Variants in ZNF695 observed in about 807,000 individuals in gnomAD.
ZNF695 encodes the protein zinc finger protein 695.
ZNF695 carries 11 observed loss-of-function variants against 11.2 expected under a neutral mutation model. The ratio of observed to expected loss-of-function variants is 0.98; its 90% CI spans 0.62 to 1.62. The LOEUF is 1.62. ZNF695 is among the 40% of genes most tolerant of loss of function. ZNF695 has a pLI of 0.00. For synonymous variants in ZNF695, 190 were observed against 201.4 expected (o/e 0.94, Z 0.48); for missense variants, 559 against 590.5 (o/e 0.95, Z 0.55).
At chr1:246,945,880 G>A in intron 5 of ZNF695, 1 of 1,544,864 alleles carries the variant, frequency 6.5e-7, no homozygotes, top group African/African-American at 1.4e-5. Context: ...AGCTCCTTGG[G>A]ATATGATTTA....
At chr1:246,993,629 C>A (rs1669107748) in intron 3 of ZNF695, among the ~76,000 whole-genome samples, 1 of 151,680 alleles carries the variant, frequency 6.6e-6, no homozygotes, top group South Asian at 2.1e-4. Flanking sequence ...TACTTAACGC[C>A]CCAAAAAGGA....
At chr1:247,000,352 A>G (rs1478003169) in intron 1 of ZNF695, among the ~76,000 whole-genome samples, 1 of 152,122 alleles carries the variant, frequency 6.6e-6, no homozygotes, top group Non-Finnish European at 1.5e-5. Context: ...TAAAACCACA[A>G]AAATTAGCCG....
Position 246,986,977 on chromosome 1 carries a change from G to T in ZNF695, c.1538C>A (p.Thr513Asn), listed in dbSNP as rs1558314838. 6.3e-7 allele frequency: 1 copy of T among 1,575,196 alleles called. No individual in the cohort carries two copies. The highest frequency in any genetic ancestry group is 8.6e-7 in the Non-Finnish European group (1 of 1,165,062). The change falls in exon 4 of 4, where the codon ACT (threonine) becomes AAT (asparagine). Residue 513 changes from threonine (T) to asparagine (N), a missense_variant. Coordinates refer to ENST00000339986, the MANE Select transcript of ZNF695 (RefSeq NM_020394.5). ...HSAQLAVHEK[T>N]HT is the part of the protein sequence containing the mutation. ...ATTGTAGGGTTTTTCTCAGGTATGA[G>T]TTTTCTCATGTACAGCAAGTTGTGC...
chr1:247,007,302 G>A (rs1486947316), intron 1 of ZNF695, among the ~76,000 whole-genome samples: 7 of 151,604 alleles, frequency 4.6e-5, no homozygotes, highest in African/African-American at 1.7e-4. Flanking sequence ...TCAAGAGATC[G>A]ACACCAACAT....
downstream of ZNF695, among the ~76,000 whole-genome samples, chr1:246,984,248 A>C (rs1340645394): frequency 6.6e-6 from 1 of 150,688 alleles, no homozygotes; most frequent in Non-Finnish European, 1.5e-5. Flanking sequence ...TGTGTGGAGA[A>C]CAGTGAGAAA....
intron 1 of ZNF695, among the ~76,000 whole-genome samples, chr1:247,005,489 C>T (rs1345709389): frequency 1.3e-5 from 2 of 151,914 alleles, no homozygotes; most frequent in African/African-American, 4.8e-5. Flanking sequence ...GCCAGGAGTT[C>T]GAGACCAGCC....
At position 246,986,618 on chromosome 1, in the gene ZNF695, G is replaced by C. The variant is rs1048732009; in HGVS notation, c.*349C>G. On this transcript the variant is annotated 3_prime_UTR_variant, in exon 4 of 4. Transcript: ENST00000339986. Reference sequence around the variant, plus strand: ...GTGTGAACACTCTGGTGTTTTCTGAGGTATATTTTTTGAACAAATGTTGTT... The same window carrying C: ...GTGTGAACACTCTGGTGTTTTCTGACGTATATTTTTTGAACAAATGTTGTT... 9.9e-7 allele frequency: 1 copy of C among 1,014,008 alleles called. No individual in the cohort carries two copies. The highest frequency in any genetic ancestry group is 1.2e-6 in the Non-Finnish European group (1 of 849,006). The allele number at this position is 1,014,008 out of a possible 1,614,324, so 62.8% of individuals were successfully genotyped here.
chr1:246,978,998 TC>T (rs1668636921), intron 4 of ZNF695, among the ~76,000 whole-genome samples: 1 of 152,152 alleles, frequency 6.6e-6, no homozygotes, highest in Non-Finnish European at 1.5e-5. Context: ...AGAAATGAGG[TC>T]ATGTGTGTTG....
At chr1:246,979,779 A>G (rs1668657543) in intron 4 of ZNF695, 1 of 152,734 alleles carries the variant, frequency 6.5e-6, no homozygotes, top group South Asian at 2.1e-4. Flanking sequence ...AAATAATTTG[A>G]CTGTTTAATC....
rs376529611 is a variant in ZNF695 at position 247,000,057 on chromosome 1, C to G, written c.21G>C (p.Arg7Ser). Residue 7 changes from arginine to serine, a missense_variant, in exon 2 of 4, where the codon AGG (arginine) becomes AGC (serine). Arg to Ser is a moderately radical substitution (Grantham distance 110). Coordinates refer to ENST00000339986, the MANE Select transcript of ZNF695 (RefSeq NM_020394.5). The part of the protein sequence containing the change: MGLLAF[R>S]DVALEFSPEE... The stretch of plus-strand genomic sequence containing the variant: ...CTGGAGAGAATTCTAGAGCCACATC[C>G]CTGAATGCCAATAGTCCCTGAAAAA... 1 of 1,607,374 alleles carries G rather than the reference C, an allele frequency of 6.2e-7. No homozygotes were observed. Among genetic ancestry groups the G allele is most frequent in the East Asian group, 2.2e-5 (1 of 44,802 alleles).
rs192507516 is a variant in ZNF695 at position 246,976,718 on chromosome 1, C to T, written c.391-8926G>A. ...CTGAGGCAGAAGAATGGCATGAACC[C>T]GGGAGGCAGAGCTTGCAGTGTGCTG... On this transcript the variant is annotated intron_variant, in intron 4 of 5. Transcript: ENST00000487338. Among the ~76,000 whole-genome samples, 147 of 152,142 alleles carry T rather than the reference C, an allele frequency of 9.7e-4. 1 individual carries two copies. The East Asian group carries it at 0.019, about 20-fold the overall frequency.
chr1:246,968,198 G>A (rs528856750), intron 4 of ZNF695: 1 of 152,178 alleles, frequency 6.6e-6, no homozygotes, highest in African/African-American at 2.4e-5. Flanking sequence ...ATACAATAAG[G>A]GTACAGGCAT....
chr1:246,984,527 T>C (rs1041075126), downstream of ZNF695, among the ~76,000 whole-genome samples: 1 of 152,218 alleles, frequency 6.6e-6, no homozygotes, highest in Non-Finnish European at 1.5e-5. Flanking sequence ...GAATATTTAT[T>C]GTTAATTATG....
chr1:247,004,172 C>T (rs1669470988), intron 1 of ZNF695, among the ~76,000 whole-genome samples: 1 of 152,154 alleles, frequency 6.6e-6, no homozygotes, highest in Non-Finnish European at 1.5e-5. Flanking sequence ...GATTGCACCA[C>T]TGCACTCCAG....
At chr1:246,981,837 G>A (rs910690207), downstream of ZNF695, among the ~76,000 whole-genome samples, 1 of 152,176 alleles carries the variant, frequency 6.6e-6, no homozygotes, top group African/African-American at 2.4e-5. Context: ...CATGATCTCT[G>A]AGATGTCTTT....
chr1:247,002,602 A>G (rs780986596), intron 1 of ZNF695, among the ~76,000 whole-genome samples: 5 of 152,184 alleles, frequency 3.3e-5, no homozygotes, highest in South Asian at 2.1e-4. Context: ...CCTGGCCAAC[A>G]TGGCGAAACC....
At chr1:246,993,617 G>C (rs1485695293) in intron 3 of ZNF695, among the ~76,000 whole-genome samples, 1 of 151,868 alleles carries the variant, frequency 6.6e-6, no homozygotes, top group Non-Finnish European at 1.5e-5. Flanking sequence ...AAAGTATCAG[G>C]GTACTTAACG....
At chr1:246,975,470 G>A (rs892987996) in intron 4 of ZNF695, among the ~76,000 whole-genome samples, 2 of 152,140 alleles carry the variant, frequency 1.3e-5, no homozygotes, top group Non-Finnish European at 2.9e-5. Flanking sequence ...ACATATGAAC[G>A]CAGACCATTA....
Position 246,987,769 on chromosome 1 carries a change from A to G in ZNF695, c.746T>C (p.Phe249Ser). Residue 249 changes from phenylalanine to serine, a missense_variant, in exon 4 of 4, where the codon TTT becomes TCT. Coordinates refer to ENST00000339986, the MANE Select transcript of ZNF695 (RefSeq NM_020394.5). Reference protein sequence around the residue: ...HCKCEECNNIFKSCSSLAVVE... With the variant: ...HCKCEECNNISKSCSSLAVVE... ...AACAGCAAGACTTGAGCAAGACTTA[A>G]AAATGTTATTACATTCTTCACATTT... is the stretch of plus-strand genomic sequence containing the variant. 1 of 1,598,448 alleles carries G rather than the reference A, an allele frequency of 6.3e-7. No homozygotes were observed.
Sources: allele counts gnomAD v4.1 joint callset (sites outside exome capture counted in the v4.1 genomes callset), GRCh38; gene constraint gnomAD v4.1.1; transcripts MANE v1.5; gene names NCBI Gene and HGNC (gene_info 2026-07-23, HGNC 2026-07-21).